The following DSCAML1 variants were observed in gnomAD, a reference collection of about 807,000 sequenced individuals.
DSCAML1 encodes the protein cell adhesion molecule DSCAML1.
DSCAML1 carries 38 observed loss-of-function variants against 200.5 expected under a neutral mutation model. The ratio of observed to expected loss-of-function variants is 0.19; its 90% CI spans 0.15 to 0.25. The LOEUF is 0.25. Among genes scored for constraint, DSCAML1 ranks in the 10% least tolerant of loss-of-function variants. DSCAML1 has a pLI of 1.00. For missense variants in DSCAML1, 2,223 were observed against 2,858.8 expected (o/e 0.78, Z 5.07); for synonymous variants, 1,215 against 1,165.0 (o/e 1.04, Z -0.87).
intron 3 of DSCAML1, among the ~76,000 whole-genome samples, chr11:117,657,661 T>A (rs671553): frequency 6.6e-6 from 1 of 152,018 alleles, no homozygotes; most frequent in Admixed American, 6.5e-5. Flanking sequence ...TTATTTAAAA[T>A]GATCAACAGC....
Position 117,460,911 on chromosome 11 carries a change from C to A in DSCAML1, c.3412+539G>T, listed in dbSNP as rs372049617. ...GTAGCCCTGCTTCCTCCCTCTCCCC[C>A]TTGGCCTTAGGTGTTGATGGCTTCC... On this transcript the variant is annotated intron_variant, in intron 18 of 32. Coordinates refer to ENST00000651296, the MANE Select transcript of DSCAML1 (RefSeq NM_020693.4). Among the ~76,000 whole-genome samples, 8 of 152,158 alleles carry A rather than the reference C, an allele frequency of 5.3e-5. No homozygotes were observed. The East Asian group carries it at 1.4e-3, about 26-fold the overall frequency.
chr11:117,726,563 G>A (rs1361161076), intron 3 of DSCAML1, among the ~76,000 whole-genome samples: 2 of 152,122 alleles, frequency 1.3e-5, no homozygotes, highest in African/African-American at 2.4e-5. Flanking sequence ...ATGTGACCAT[G>A]AGGGAGGTAG....
At chr11:117,719,366 C>A (rs1384695425) in intron 3 of DSCAML1, among the ~76,000 whole-genome samples, 1 of 152,216 alleles carries the variant, frequency 6.6e-6, no homozygotes, top group African/African-American at 2.4e-5. Context: ...ATCACTTGAA[C>A]CCGGGCGGCG....
intron 14 of DSCAML1, among the ~76,000 whole-genome samples, chr11:117,476,663 A>G (rs1229007734): frequency 6.6e-6 from 1 of 152,234 alleles, no homozygotes; most frequent in Non-Finnish European, 1.5e-5. Context: ...TTAAATCTGC[A>G]CAGCGCCATC....
At chr11:117,798,269 C>T (rs1473840508), upstream of DSCAML1, among the ~76,000 whole-genome samples, 2 of 152,034 alleles carry the variant, frequency 1.3e-5, no homozygotes, top group African/African-American at 2.4e-5. Flanking sequence ...GTGTGGAGTG[C>T]GAAGTTTGGA....
At chr11:117,458,477 G>A (rs2048417046) in intron 19 of DSCAML1, among the ~76,000 whole-genome samples, 1 of 152,200 alleles carries the variant, frequency 6.6e-6, no homozygotes, top group African/African-American at 2.4e-5. Flanking sequence ...CCCATGGTGT[G>A]GGAGGAGAGG....
chr11:117,807,230 G>A (rs2055714396), intron 1 of DSCAML1, among the ~76,000 whole-genome samples: 1 of 152,230 alleles, frequency 6.6e-6, no homozygotes, highest in African/African-American at 2.4e-5. Context: ...TTTTATCGCT[G>A]AAGCCCCTGC....
chr11:117,525,378 G>A (rs1241266735), intron 4 of DSCAML1, among the ~76,000 whole-genome samples: 2 of 152,174 alleles, frequency 1.3e-5, no homozygotes, highest in African/African-American at 4.8e-5. Context: ...ATGGAAGAAG[G>A]GAAGAAGGCG....
At chr11:117,674,590 G>T (rs1565867274) in intron 3 of DSCAML1, among the ~76,000 whole-genome samples, 2 of 152,112 alleles carry the variant, frequency 1.3e-5, no homozygotes, top group Non-Finnish European at 2.9e-5. Context: ...TCCCCGCAAG[G>T]TACCCCACCC....
intron 14 of DSCAML1, among the ~76,000 whole-genome samples, chr11:117,474,736 TTCTG>T (rs1324602638): frequency 6.6e-6 from 1 of 152,010 alleles, no homozygotes; most frequent in East Asian, 1.9e-4. Context: ...AGCTTTTGTG[TTCTG>T]TGTCATTCCT....
intron 3 of DSCAML1, among the ~76,000 whole-genome samples, chr11:117,746,806 C>T (rs1321953169): frequency 6.6e-6 from 1 of 152,196 alleles, no homozygotes; most frequent in Non-Finnish European, 1.5e-5. Flanking sequence ...TCCAGTCCCA[C>T]TCTTCGCCTG....
At chr11:117,438,386 A>G (rs80024804) in intron 24 of DSCAML1, among the ~76,000 whole-genome samples, 1 of 151,916 alleles carries the variant, frequency 6.6e-6, no homozygotes, top group Non-Finnish European at 1.5e-5. Flanking sequence ...AGGGGAGAAA[A>G]CCAGAGTTGT....
At chr11:117,578,447 G>T (rs2050988847) in intron 3 of DSCAML1, among the ~76,000 whole-genome samples, 1 of 152,008 alleles carries the variant, frequency 6.6e-6, no homozygotes, top group South Asian at 2.1e-4. Context: ...AAGGCAGGAG[G>T]ATCACTTGAG....
chr11:117,754,082 GA>G (rs886382816), intron 3 of DSCAML1, among the ~76,000 whole-genome samples: 7 of 152,172 alleles, frequency 4.6e-5, no homozygotes, highest in Admixed American at 3.3e-4. Context: ...AAGAGGAGCA[GA>G]GATTCCCGAC....
rs113107370 is a variant in DSCAML1 at position 117,480,950 on chromosome 11, C to T, written c.2656+224G>A. Among the ~76,000 whole-genome samples the T allele has an allele frequency of 9.3e-3, 1,419 of 152,286 alleles. 28 individuals carry two copies. The highest frequency in any genetic ancestry group is 0.032 in the African/African-American group (1,337 of 41,544). On this transcript the variant is annotated intron_variant, in intron 13 of 32. Coordinates refer to ENST00000651296, the MANE Select transcript of DSCAML1 (RefSeq NM_020693.4). The surrounding 1 kb of genome is among the most constrained non-coding windows in gnomAD (Gnocchi z 4.1). ...CCAGAAGGGTCAGTGGAATCTATAG[C>T]GGCTGTAGCCATTGCAAACTTTTGC...
intron 3 of DSCAML1, among the ~76,000 whole-genome samples, chr11:117,554,574 A>G (rs1277186195): frequency 2.0e-5 from 3 of 152,092 alleles, no homozygotes; most frequent in Non-Finnish European, 2.9e-5. Flanking sequence ...ACGGAGTTTC[A>G]CCATGTTGAC....
intron 3 of DSCAML1, among the ~76,000 whole-genome samples, chr11:117,689,943 G>A (rs1042359862): frequency 4.6e-5 from 7 of 152,138 alleles, no homozygotes; most frequent in Admixed American, 1.3e-4. Context: ...AGGGGGAAAG[G>A]GAAAGTCAAG....
chr11:117,804,175 G>A (rs2055687882), intron 1 of DSCAML1, among the ~76,000 whole-genome samples: 1 of 152,266 alleles, frequency 6.6e-6, no homozygotes, highest in African/African-American at 2.4e-5. Context: ...TGAGTGGGCT[G>A]CAATTTGGGA....
At chr11:117,500,317 C>T (rs978248814) in intron 11 of DSCAML1, among the ~76,000 whole-genome samples, 4 of 152,192 alleles carry the variant, frequency 2.6e-5, no homozygotes, top group African/African-American at 9.7e-5. Context: ...TTTTGTGTAT[C>T]ATAGTTGTTT....
Sources: gnomAD v4.1 joint callset for allele counts (sites outside exome capture counted in the v4.1 genomes callset) on GRCh38, gnomAD v4.1.1 for gene constraint, Gnocchi (gnomAD v3.1) non-coding constraint, MANE v1.5 for transcripts, NCBI Gene and HGNC (gene_info 2026-07-23, HGNC 2026-07-21) for gene names.